Variants in TBCE observed in about 807,000 individuals in gnomAD.
TBCE encodes the protein tubulin folding cofactor E, also known as tubulin-specific chaperone E.
In TBCE, 53 loss-of-function variants were observed where a neutral mutation model predicts 77.0. The ratio of observed to expected loss-of-function variants is 0.69; its 90% CI spans 0.55 to 0.87. TBCE has a LOEUF of 0.87. TBCE is among the 40% of genes least tolerant of loss of function. The probability of loss-of-function intolerance (pLI) is 0.00; values close to 1 mark genes in which losing one functional copy is unlikely to be tolerated. For missense variants in TBCE, 624 were observed against 622.4 expected (o/e 1.00, Z -0.03); for synonymous variants, 235 against 241.3 (o/e 0.97, Z 0.24).
chr1:235,393,815 C>G (rs1008535523), intron 2 of TBCE, among the ~76,000 whole-genome samples: 6 of 152,092 alleles, frequency 3.9e-5, no homozygotes, highest in Non-Finnish European at 7.4e-5. Context: ...ATGGTAATGA[C>G]ATGATATGTT....
Position 235,410,711 on chromosome 1 carries a change from T to A in TBCE, c.186-3722T>A, listed in dbSNP as rs116228487. On this transcript the variant is annotated intron_variant, in intron 3 of 16. Transcript: ENST00000642610. Reference sequence around the variant, plus strand: ...AAACGTCTCTGACATATTTCCCCCCTCCCTTTTACGAGAGAACCCTTAATC... The same window carrying A: ...AAACGTCTCTGACATATTTCCCCCCACCCTTTTACGAGAGAACCCTTAATC... 6.1e-3 allele frequency among the ~76,000 whole-genome samples: 921 copies of A among 152,204 alleles called. 10 individuals are homozygous for A. The highest frequency in any genetic ancestry group is 0.021 in the African/African-American group (870 of 41,552).
At chr1:235,404,470 T>G (rs1195822858) in intron 3 of TBCE, among the ~76,000 whole-genome samples, 1 of 151,068 alleles carries the variant, frequency 6.6e-6, no homozygotes. Flanking sequence ...GCACTTAGCG[T>G]GAATGGACCT....
chr1:235,386,419 G>A (rs1424310691), intron 2 of TBCE, among the ~76,000 whole-genome samples: 1 of 152,054 alleles, frequency 6.6e-6, no homozygotes, highest in Non-Finnish European at 1.5e-5. Context: ...CATTCTCCCC[G>A]TCACTTTCAG....
At chr1:235,387,703 A>G (rs968551020) in intron 2 of TBCE, among the ~76,000 whole-genome samples, 17 of 151,958 alleles carry the variant, frequency 1.1e-4, no homozygotes, top group Non-Finnish European at 2.4e-4. Flanking sequence ...GCCATCTGTC[A>G]CCCCTTTCTT....
intron 13 of TBCE, among the ~76,000 whole-genome samples, chr1:235,439,199 G>T (rs1681660350): frequency 6.6e-6 from 1 of 151,960 alleles, no homozygotes; most frequent in African/African-American, 2.4e-5. Flanking sequence ...TTATTTTTAA[G>T]AGATGGAGTT....
rs1395039871 is a variant in TBCE at position 235,447,048 on chromosome 1, G to A, written c.1400-1301G>A. Among the ~76,000 whole-genome samples, 8 of 152,208 alleles carry A rather than the reference G, an allele frequency of 5.3e-5. No homozygotes were observed. In the South Asian group the frequency reaches 1.7e-3, roughly 32 times the overall value. Reference sequence around the variant, plus strand: ...TAGGAGTATGTCACTCCCCACTGGTGTGCAGCAGGTAACCCCTTCTCTCAC... The same window carrying A: ...TAGGAGTATGTCACTCCCCACTGGTATGCAGCAGGTAACCCCTTCTCTCAC... On this transcript the variant is annotated intron_variant, in intron 15 of 16. Coordinates refer to ENST00000642610, the MANE Select transcript of TBCE (RefSeq NM_003193.5).
intron 7 of TBCE, chr1:235,432,916 A>T (rs912880196): frequency 2.4e-5 from 19 of 807,148 alleles, no homozygotes; most frequent in Non-Finnish European, 2.7e-5. Flanking sequence ...ATTTTTTGTA[A>T]TTTTTTTTTT....
intron 3 of TBCE, among the ~76,000 whole-genome samples, chr1:235,403,081 G>A (rs1679213386): frequency 6.6e-6 from 1 of 152,202 alleles, no homozygotes; most frequent in South Asian, 2.1e-4. Context: ...AACTCTACTT[G>A]TAGACTTGCC....
intron 8 of TBCE, among the ~76,000 whole-genome samples, chr1:235,435,452 A>T (rs1681384509): frequency 2.0e-5 from 3 of 152,152 alleles, no homozygotes; most frequent in Admixed American, 6.6e-5. Flanking sequence ...ATATATTCAC[A>T]TGAAGTTTTA....
In TBCE at chr1:235,380,094, A is replaced by T; in HGVS notation, c.45A>T (p.Glu15Asp). The change falls in exon 2 of 17, where the codon GAA (glutamate) becomes GAT (aspartate). Residue 15 changes from glutamate to aspartate, a missense_variant. Glu to Asp is a conservative substitution (Grantham distance 45). Coordinates refer to ENST00000642610, the MANE Select transcript of TBCE (RefSeq NM_003193.5). The part of the protein sequence containing the change: ...LTADVIGRRV[E>D]VNGEHATVRF... Reference sequence around the variant, plus strand: ...CGGATGTCATTGGTCGAAGAGTTGAAGTTAATGGAGAACATGCAACAGTAC... The same window carrying T: ...CGGATGTCATTGGTCGAAGAGTTGATGTTAATGGAGAACATGCAACAGTAC... The T allele has an allele frequency of 6.2e-7, 1 of 1,613,478 alleles. No individual in the cohort carries two copies. Among genetic ancestry groups the T allele is most frequent in the Non-Finnish European group, 8.5e-7 (1 of 1,179,768 alleles).
In TBCE at chr1:235,448,863, G is replaced by T. The variant is rs535686495; in HGVS notation, c.*101G>T. On this transcript the variant is annotated 3_prime_UTR_variant, in exon 17 of 17. Coordinates refer to ENST00000642610, the MANE Select transcript of TBCE (RefSeq NM_003193.5). ...ACAATTCTACTGTCAAAACAAAGGG[G>T]GTTTACAACTTGTCCTAAGTATAAC... The T allele has an allele frequency of 6.6e-6, 6 of 905,540 alleles. No homozygotes were observed. In the Admixed American group the frequency reaches 9.6e-5, roughly 14 times the overall value. The allele number at this position is 905,540 out of a possible 1,614,324, so 56.1% of individuals were successfully genotyped here. A position where few individuals can be genotyped will look rare whatever the true frequency, so the allele number is the denominator to read the frequency against.
At chr1:235,422,096 G>T (rs1680431094) in intron 5 of TBCE, among the ~76,000 whole-genome samples, 1 of 152,228 alleles carries the variant, frequency 6.6e-6, no homozygotes, top group Admixed American at 6.5e-5. Flanking sequence ...ATTTTCAAAA[G>T]TAGGCAGCTG....
intron 5 of TBCE, among the ~76,000 whole-genome samples, chr1:235,424,711 G>T (rs894188322): frequency 6.6e-6 from 1 of 151,996 alleles, no homozygotes; most frequent in Admixed American, 6.6e-5. Flanking sequence ...CTCCATGTTG[G>T]TCAGGCTGGT....
At chr1:235,419,914 G>T (rs1236896811) in intron 5 of TBCE, among the ~76,000 whole-genome samples, 1 of 152,012 alleles carries the variant, frequency 6.6e-6, no homozygotes, top group Non-Finnish European at 1.5e-5. Context: ...GGTGAAACCT[G>T]TCTCTACTAA....
In TBCE at chr1:235,404,279, G is replaced by GA. The variant is rs966932550; in HGVS notation, c.185+2704dup. 5.4e-3 allele frequency among the ~76,000 whole-genome samples: 596 copies of GA among 110,500 alleles called. 3 individuals carry two copies. Among genetic ancestry groups the GA allele is most frequent in the African/African-American group, 0.017 (560 of 32,822 alleles). The allele number at this position is 110,500 out of a possible 152,430, so 72.5% of individuals were successfully genotyped here. On this transcript the variant is annotated intron_variant, in intron 3 of 16. Transcript: ENST00000642610. Reference sequence around the variant, plus strand: ...GTGACAGAGCAAGACTCCGGCTCAAGAAAAAAAAAAAATTAAGCAGTGTGG... The same window carrying GA: ...GTGACAGAGCAAGACTCCGGCTCAAGAAAAAAAAAAAAATTAAGCAGTGTGG...
chr1:235,442,731 A>G (rs1681979377), intron 14 of TBCE, 121 bp from the exon 15 acceptor site: 1 of 897,598 alleles, frequency 1.1e-6, no homozygotes, highest in Non-Finnish European at 1.8e-6. Context: ...TTAAACATTG[A>G]TTAGACCTGC....
chr1:235,414,424 C>T lies in TBCE; in HGVS notation c.186-9C>T. 1 of 1,613,242 alleles carries T rather than the reference C, an allele frequency of 6.2e-7. No homozygotes were observed. Among genetic ancestry groups the T allele is most frequent in the Non-Finnish European group, 8.5e-7 (1 of 1,179,936 alleles). On this transcript the variant is annotated splice_polypyrimidine_tract_variant and intron_variant, in intron 3 of 16. Coordinates refer to ENST00000642610, the MANE Select transcript of TBCE (RefSeq NM_003193.5). ...TATTTTCTGTGTTTCATTTGCTCTT[C>T]TTTACCAGGCACCCGACAGGAGGAT...
intron 7 of TBCE, 90 bp from the exon 8 acceptor site, chr1:235,434,114 T>C: frequency 8.6e-7 from 1 of 1,156,294 alleles, no homozygotes. Context: ...AAACAGTAAC[T>C]GAGCTGAATT....
chr1:235,386,105 G>A (rs531347404), intron 2 of TBCE, among the ~76,000 whole-genome samples: 46 of 152,202 alleles, frequency 3.0e-4, no homozygotes, highest in African/African-American at 8.2e-4. Flanking sequence ...TGAAATTCTG[G>A]GTTGAAAATT....
Sources: allele counts gnomAD v4.1 joint callset (sites outside exome capture counted in the v4.1 genomes callset), GRCh38; gene constraint gnomAD v4.1.1; transcripts MANE v1.5; gene names NCBI Gene and HGNC (gene_info 2026-07-23, HGNC 2026-07-21).